NRG1: variants seen among roughly 807,000 people sequenced by gnomAD.
The protein encoded by NRG1 is neuregulin 1.
In NRG1, 18 loss-of-function variants were observed where a neutral mutation model predicts 63.8. The ratio of observed to expected loss-of-function variants is 0.28; its 90% CI spans 0.19 to 0.42. NRG1 has a LOEUF of 0.42. Among genes scored for constraint, NRG1 ranks in the 10% least tolerant of loss-of-function variants. NRG1 has a pLI of 1.00. For missense variants in NRG1, 762 were observed against 814.7 expected (o/e 0.94, Z 0.79); for synonymous variants, 302 against 301.3 (o/e 1.00, Z -0.02).
chr8:32,302,670 A>G (rs1855711467), intron 1 of NRG1, among the ~76,000 whole-genome samples: 1 of 146,518 alleles, frequency 6.8e-6, no homozygotes, highest in African/African-American at 2.5e-5. Flanking sequence ...CAAGAAAGAA[A>G]AGACGAACCT....
chr8:32,685,762 G>A (rs144275273), intron 5 of NRG1, among the ~76,000 whole-genome samples: 33 of 152,276 alleles, frequency 2.2e-4, no homozygotes, highest in African/African-American at 7.9e-4. Flanking sequence ...AATTCAGAGT[G>A]GTGCATGCAG....
intron 5 of NRG1, among the ~76,000 whole-genome samples, chr8:32,719,577 A>G (rs1820113357): frequency 6.6e-6 from 1 of 152,122 alleles, no homozygotes. Context: ...ATTATTCATT[A>G]TCTAATCCAT....
chr8:32,509,294 A>G (rs1200487763), intron 1 of NRG1, among the ~76,000 whole-genome samples: 18 of 151,662 alleles, frequency 1.2e-4, no homozygotes, highest in Admixed American at 1.2e-3. Context: ...AGGTTTCACC[A>G]TGTTGCCCAG....
At chr8:31,890,471 G>T (rs1831058812) in intron 1 of NRG1, among the ~76,000 whole-genome samples, 1 of 152,118 alleles carries the variant, frequency 6.6e-6, no homozygotes, top group Non-Finnish European at 1.5e-5. Flanking sequence ...GAGACAAAGA[G>T]AATCCGTTTA....
intron 1 of NRG1, among the ~76,000 whole-genome samples, chr8:32,483,665 C>T: frequency 6.6e-6 from 1 of 152,162 alleles, no homozygotes; most frequent in East Asian, 1.9e-4. Flanking sequence ...TCTTTGTGTT[C>T]CCCACTTGAG....
rs577550281 is a variant in NRG1, at chr8:32,735,352, G to A, written c.632+7274G>A. ...AGCTAGATTGATTTAATTATTCAAC[G>A]TTGTATTCATAAATCATAACATCAT... is the stretch of plus-strand genomic sequence containing the variant. On this transcript the variant is annotated intron_variant, in intron 6 of 11. Coordinates refer to ENST00000356819, the Ensembl canonical transcript of NRG1. Among the ~76,000 whole-genome samples the A allele has an allele frequency of 4.6e-5, 7 of 152,162 alleles. No homozygotes were observed. The South Asian group carries it at 6.2e-4, about 14-fold the overall frequency.
At chr8:31,740,526 A>G (rs1302472210) in intron 1 of NRG1, among the ~76,000 whole-genome samples, 1 of 152,058 alleles carries the variant, frequency 6.6e-6, no homozygotes, top group Non-Finnish European at 1.5e-5. Context: ...TAGGCAAGAA[A>G]GAAAAGGCCA....
intron 1 of NRG1, among the ~76,000 whole-genome samples, chr8:31,932,570 T>G (rs2129620076): frequency 6.6e-6 from 1 of 152,354 alleles, no homozygotes; most frequent in Non-Finnish European, 1.5e-5. Context: ...TTTACTAGTC[T>G]TGTATTTTCT....
At chr8:32,587,723 T>C (rs1841861844) in intron 1 of NRG1, among the ~76,000 whole-genome samples, 1 of 152,126 alleles carries the variant, frequency 6.6e-6, no homozygotes, top group Non-Finnish European at 1.5e-5. Flanking sequence ...CTGTATATCT[T>C]CCATTCAATA....
intron 1 of NRG1, among the ~76,000 whole-genome samples, chr8:32,156,099 C>A (rs896023252): frequency 6.6e-6 from 1 of 152,218 alleles, no homozygotes; most frequent in African/African-American, 2.4e-5. Flanking sequence ...TGGTAGGCAG[C>A]TCCTGGCCCT....
At chr8:32,094,663 C>G (rs937242966) in intron 1 of NRG1, among the ~76,000 whole-genome samples, 11 of 152,242 alleles carry the variant, frequency 7.2e-5, no homozygotes, top group African/African-American at 2.6e-4. Context: ...ATCCTAATTT[C>G]TGAAATTATT....
intron 1 of NRG1, among the ~76,000 whole-genome samples, chr8:32,435,682 C>A (rs973546315): frequency 6.6e-6 from 1 of 152,042 alleles, no homozygotes; most frequent in Non-Finnish European, 1.5e-5. Context: ...ACAGCAAAAA[C>A]GTTACCAGGC....
intron 1 of NRG1, among the ~76,000 whole-genome samples, chr8:32,534,454 C>T (rs922522483): frequency 6.6e-6 from 1 of 152,070 alleles, no homozygotes; most frequent in Non-Finnish European, 1.5e-5. Context: ...AGGCTTTGGA[C>T]AGGATTCTTG....
intron 1 of NRG1, among the ~76,000 whole-genome samples, chr8:31,789,784 T>C (rs1365575788): frequency 2.0e-5 from 3 of 152,222 alleles, no homozygotes; most frequent in East Asian, 3.8e-4. Flanking sequence ...TATAAGAATA[T>C]GATCACTTAA....
chr8:32,054,863 C>T (rs9801737), intron 1 of NRG1, among the ~76,000 whole-genome samples: 4,218 of 64,054 alleles, frequency 0.066, 384 homozygotes, highest in African/African-American at 0.16. Context: ...TTCTTTCTTT[C>T]TTTTTTTTTT....
chr8:32,008,781 T>C (rs1211993919), intron 1 of NRG1, among the ~76,000 whole-genome samples: 2 of 152,090 alleles, frequency 1.3e-5, no homozygotes, highest in Non-Finnish European at 2.9e-5. Context: ...ATGAAATGTC[T>C]TTTCTCTTTC....
At chr8:32,210,364 C>T (rs2132384461) in intron 1 of NRG1, among the ~76,000 whole-genome samples, 1 of 152,224 alleles carries the variant, frequency 6.6e-6, no homozygotes, top group African/African-American at 2.4e-5. Context: ...TCCAGAAAAT[C>T]CCACTGACAA....
intron 7 of NRG1, among the ~76,000 whole-genome samples, chr8:32,748,481 T>C (rs1828009486): frequency 6.6e-6 from 1 of 151,890 alleles, no homozygotes. Flanking sequence ...TCCCTGGAGA[T>C]TTTTTATTTT....
chr8:32,679,831 A>G (rs898788731), intron 5 of NRG1, among the ~76,000 whole-genome samples: 3 of 152,236 alleles, frequency 2.0e-5, no homozygotes, highest in South Asian at 2.1e-4. Flanking sequence ...TGTGATCAGA[A>G]TGAAGGAAGT....
Sources: gnomAD v4.1 joint callset for allele counts (sites outside exome capture counted in the v4.1 genomes callset) on GRCh38, gnomAD v4.1.1 for gene constraint, MANE v1.5 for transcripts, NCBI Gene and HGNC (gene_info 2026-07-23, HGNC 2026-07-21) for gene names.